Variants in FBXL13 observed in about 807,000 individuals in gnomAD.
FBXL13 encodes F-box and leucine-rich repeat protein 13.
A neutral mutation model predicts 83.6 loss-of-function variants in FBXL13; 67 were observed. That is an observed-to-expected ratio of 0.80 (90% CI 0.66 to 0.98). The LOEUF (loss-of-function observed/expected upper bound fraction) is 0.98. Among genes scored for constraint, FBXL13 ranks in the 50% least tolerant of loss-of-function variants. FBXL13 has a pLI of 0.00. For synonymous variants in FBXL13, 272 were observed against 299.5 expected (o/e 0.91, Z 0.95); for missense variants, 822 against 866.5 (o/e 0.95, Z 0.64).
intron 8 of FBXL13, among the ~76,000 whole-genome samples, chr7:102,941,715 A>G (rs187676891): frequency 6.6e-6 from 1 of 152,160 alleles, no homozygotes; most frequent in East Asian, 1.9e-4. Context: ...TAGTTTACCA[A>G]CTATCAATGC....
intron 6 of FBXL13, among the ~76,000 whole-genome samples, chr7:103,013,597 A>G (rs1351756679): frequency 6.6e-6 from 1 of 152,242 alleles, no homozygotes; most frequent in Non-Finnish European, 1.5e-5. Context: ...GAGAAAAAAG[A>G]TACAAGATAT....
intron 11 of FBXL13, among the ~76,000 whole-genome samples, chr7:102,905,186 T>C (rs572871618): frequency 6.6e-6 from 1 of 152,348 alleles, no homozygotes; most frequent in East Asian, 1.9e-4. Flanking sequence ...GTCTGGAAGA[T>C]CTGTCCAATG....
intron 11 of FBXL13, among the ~76,000 whole-genome samples, chr7:102,900,527 C>T (rs565097421): frequency 6.6e-6 from 1 of 152,310 alleles, no homozygotes; most frequent in East Asian, 1.9e-4. Context: ...CCTTAAACAT[C>T]TATGAATTGT....
At chr7:102,854,784 C>T in exon 17 of FBXL13, 1 of 1,569,586 alleles carries the variant, frequency 6.4e-7, no homozygotes, top group Non-Finnish European at 8.7e-7. Flanking sequence ...TACCTGAATT[C>T]CATCATCAGT....
At chr7:102,954,247 T>G (rs113130329) in intron 8 of FBXL13, among the ~76,000 whole-genome samples, 5 of 152,170 alleles carry the variant, frequency 3.3e-5, no homozygotes, top group African/African-American at 1.2e-4. Flanking sequence ...TTAACATTCT[T>G]AAAGAAAATA....
At chr7:103,074,555 C>CT in exon 1 of FBXL13, 2 of 1,218,378 alleles carry the variant, frequency 1.6e-6, no homozygotes, top group Non-Finnish European at 2.1e-6. Flanking sequence ...TTTGACTTCA[C>CT]TTTCTCGCAT....
At chr7:103,029,385 A>T in exon 3 of FBXL13, 1 of 1,543,008 alleles carries the variant, frequency 6.5e-7, no homozygotes. Flanking sequence ...CCAGTATAAA[A>T]GCTACAGGCT....
intron 1 of FBXL13, among the ~76,000 whole-genome samples, chr7:103,065,107 C>T (rs1287972876): frequency 6.6e-6 from 1 of 152,094 alleles, no homozygotes; most frequent in Non-Finnish European, 1.5e-5. Flanking sequence ...ACCAAACAAA[C>T]AGAAAATGAC....
intron 2 of FBXL13, among the ~76,000 whole-genome samples, chr7:103,050,605 TAGGAA>T (rs1202703613): frequency 8.6e-5 from 13 of 151,900 alleles, no homozygotes; most frequent in Admixed American, 8.5e-4. Context: ...ACAGAAAAGA[TAGGAA>T]AGGAAAGGTA....
intron 2 of FBXL13, among the ~76,000 whole-genome samples, chr7:103,051,721 G>A (rs1421398014): frequency 1.3e-5 from 2 of 152,186 alleles, no homozygotes; most frequent in African/African-American, 2.4e-5. Context: ...AGACTCCAGC[G>A]CAGCCACCTG....
At chr7:102,933,580 A>G (rs1197276511) in intron 8 of FBXL13, 3 of 176,948 alleles carry the variant, frequency 1.7e-5, no homozygotes, top group Non-Finnish European at 3.6e-5. Flanking sequence ...TTAAGCAGGT[A>G]AGAGAGCCTT....
At chr7:102,845,108 T>C (rs757103860) in intron 17 of FBXL13, among the ~76,000 whole-genome samples, 10 of 152,102 alleles carry the variant, frequency 6.6e-5, no homozygotes, top group Admixed American at 4.6e-4. Flanking sequence ...CTTCGTCATA[T>C]AGACACCATC....
At chr7:103,070,296 A>T (rs1237029535) in intron 1 of FBXL13, among the ~76,000 whole-genome samples, 1 of 151,860 alleles carries the variant, frequency 6.6e-6, no homozygotes, top group African/African-American at 2.4e-5. Flanking sequence ...TAATGGTGTG[A>T]TCTCAGCTCA....
chr7:103,018,171 A>C (rs1938800659), intron 6 of FBXL13, among the ~76,000 whole-genome samples: 1 of 152,224 alleles, frequency 6.6e-6, no homozygotes, highest in Admixed American at 6.5e-5. Context: ...GCCAATATTC[A>C]AAATTCTTAA....
At chr7:102,952,193 G>A (rs1038284213) in intron 8 of FBXL13, among the ~76,000 whole-genome samples, 1 of 152,124 alleles carries the variant, frequency 6.6e-6, no homozygotes, top group Admixed American at 6.5e-5. Context: ...GGACCTAGGA[G>A]GAGGGCAAAA....
chr7:102,905,595 T>C (rs1394743591), intron 11 of FBXL13, among the ~76,000 whole-genome samples: 1 of 152,184 alleles, frequency 6.6e-6, no homozygotes, highest in Admixed American at 6.5e-5. Context: ...TTGGAGAGTT[T>C]AGTCCATTTA....
exon 7 of FBXL13, chr7:102,968,054 A>G: frequency 3.1e-6 from 5 of 1,613,982 alleles, no homozygotes; most frequent in Non-Finnish European, 4.2e-6. Flanking sequence ...TGTGTCATCA[A>G]CATCCAGGCA....
At chr7:102,820,441 AGTCTTAC>A (rs1798641767) in intron 19 of FBXL13, among the ~76,000 whole-genome samples, 1 of 152,238 alleles carries the variant, frequency 6.6e-6, no homozygotes, top group Non-Finnish European at 1.5e-5. Flanking sequence ...CTAGTAGTCA[AGTCTTAC>A]TATGCCTTGT....
In FBXL13 at chr7:102,831,778, C is replaced by A. The variant is rs149430115; in HGVS notation, c.1854+1062G>T. On this transcript the variant is annotated intron_variant, in intron 18 of 19. Coordinates refer to ENST00000313221, the Ensembl canonical transcript of FBXL13. ...AATTAGTCCATCTATTTTCAAGCTT[C>A]CAAATTTTTGTTGCTCTTATCTCCT... Among the ~76,000 whole-genome samples, 661 of 152,200 alleles carry A rather than the reference C, an allele frequency of 4.3e-3. 6 individuals carry two copies. The highest frequency in any genetic ancestry group is 0.015 in the African/African-American group (631 of 41,532).
Sources: gnomAD v4.1 joint callset for allele counts (sites outside exome capture counted in the v4.1 genomes callset) on GRCh38, gnomAD v4.1.1 for gene constraint, MANE v1.5 for transcripts, NCBI Gene and HGNC (gene_info 2026-07-23, HGNC 2026-07-21) for gene names.